SLC26A9: variants seen among roughly 807,000 people sequenced by gnomAD.
The protein encoded by SLC26A9 is anion transporter/exchanger protein 9.
In SLC26A9, 46 loss-of-function variants were observed where a neutral mutation model predicts 87.1. The ratio of observed to expected loss-of-function variants is 0.53; its 90% CI spans 0.42 to 0.67. SLC26A9 has a LOEUF of 0.67. SLC26A9 is among the 30% of genes least tolerant of loss of function. SLC26A9 has a pLI of 0.00. For synonymous variants in SLC26A9, 437 were observed against 409.1 expected, an observed-to-expected ratio of 1.07 and a Z score of -0.82; for missense variants, 927 against 1,018.3, an observed-to-expected ratio of 0.91 and a Z score of 1.22.
intron 1 of SLC26A9, among the ~76,000 whole-genome samples, chr1:205,939,064 C>T (rs1308055495): frequency 1.3e-5 from 2 of 152,188 alleles, no homozygotes; most frequent in Non-Finnish European, 2.9e-5. Flanking sequence ...TGCCATCTGC[C>T]CATCCCAGGA....
intron 5 of SLC26A9, 143 bp from the exon 6 acceptor site, chr1:205,930,199 C>T: frequency 1.2e-6 from 1 of 830,088 alleles, no homozygotes; most frequent in Non-Finnish European, 1.8e-6. Flanking sequence ...CATCTGTGAC[C>T]TTCACCTGCC....
rs771296518 is a variant in SLC26A9, at chr1:205,929,323, T to C, written c.751A>G (p.Thr251Ala). 2.4e-5 allele frequency: 38 copies of C among 1,614,084 alleles called. No individual in the cohort carries two copies. In the East Asian group the frequency reaches 7.6e-4, roughly 32 times the overall value. ...FIDICKNLPH[T>A]NIASLIFALI... ...GCGAAGATGAGCGAGGCGATGTTGG[T>C]GTGGGGGAGGTTTTTGCAAATGTCA... The change falls in exon 7 of 21, where the codon ACC becomes GCC. Residue 251 changes from threonine (T) to alanine (A), a missense_variant. Transcript: ENST00000367135.
At position 205,927,120 on chromosome 1, in the gene SLC26A9, C is replaced by G. The variant is rs1023039924; in HGVS notation, c.1293+91G>C. The G allele has an allele frequency of 1.6e-5, 21 of 1,323,158 alleles. No homozygotes were observed. In the African/African-American group the frequency reaches 3.0e-4, roughly 19 times the overall value. The allele number at this position is 1,323,158 out of a possible 1,614,324, so 82.0% of individuals were successfully genotyped here. A position where few individuals can be genotyped will look rare whatever the true frequency, so the allele number is the denominator to read the frequency against. On this transcript the variant is annotated intron_variant, in intron 11 of 20. Transcript: ENST00000367135. ...TTGAGACTAAGTGTGACAACAGTGGCACTTTGTGGTCCGTAAAGTGCCACA... is the reference window on the plus strand; with the variant it reads ...TTGAGACTAAGTGTGACAACAGTGGGACTTTGTGGTCCGTAAAGTGCCACA...
At position 205,915,149 on chromosome 1, in the gene SLC26A9, A is replaced by G. The variant is rs745629694; in HGVS notation, c.*208T>C. 2 of 1,613,398 alleles carry G rather than the reference A, an allele frequency of 1.2e-6. No homozygotes were observed. The highest frequency in any genetic ancestry group is 1.1e-5 in the South Asian group (1 of 91,008). ...GGGCTCACCAGACTCTCACTCCTGT[A>G]AGGGTAGCACCCCCCTGCTGCTGAG... is the stretch of plus-strand genomic sequence containing the variant. On this transcript the variant is annotated 3_prime_UTR_variant, in exon 21 of 21. Transcript: ENST00000367135.
rs554178968 is a variant in SLC26A9 at position 205,937,094 on chromosome 1, G to C, written c.-18-1256C>G. On this transcript the variant is annotated intron_variant, in intron 1 of 20. Coordinates refer to ENST00000367135, the MANE Select transcript of SLC26A9 (RefSeq NM_052934.4). The stretch of plus-strand genomic sequence containing the variant: ...GGTTGTGTAAAATGTAAAGTGTGAT[G>C]CAAATGTGAGTTTCTATTATGAATA... 4.6e-5 allele frequency among the ~76,000 whole-genome samples: 7 copies of C among 152,278 alleles called. No homozygotes were observed. The South Asian group carries it at 1.5e-3, about 32-fold the overall frequency.
chr1:205,942,099 A>C (rs16856524), intron 1 of SLC26A9, among the ~76,000 whole-genome samples: 4,105 of 152,300 alleles, frequency 0.027, 191 homozygotes, highest in African/African-American at 0.094. Context: ...CTGGCTGTTT[A>C]GTACGGTTTA....
intron 12 of SLC26A9, among the ~76,000 whole-genome samples, chr1:205,926,181 G>T (rs1468237615): frequency 6.6e-6 from 1 of 152,066 alleles, no homozygotes; most frequent in Admixed American, 6.5e-5. Flanking sequence ...TCATAGCTAA[G>T]CTTTATTGAG....
intron 6 of SLC26A9, 115 bp downstream of exon 6, chr1:205,929,777 C>A: frequency 7.6e-7 from 1 of 1,319,488 alleles, no homozygotes; most frequent in Non-Finnish European, 1.0e-6. Context: ...CCTCTCTGAA[C>A]AACAGCTAAG....
Position 205,914,896 on chromosome 1 carries a change from G to A in SLC26A9, c.*461C>T. Reference sequence around the variant, plus strand: ...GAGTCCTAACCAAGTTTATCCCTATGTCCGTGACAGCCTGACACCATCTGA... The same window carrying A: ...GAGTCCTAACCAAGTTTATCCCTATATCCGTGACAGCCTGACACCATCTGA... On this transcript the variant is annotated 3_prime_UTR_variant, in exon 21 of 21. Coordinates refer to ENST00000367135, the MANE Select transcript of SLC26A9 (RefSeq NM_052934.4). 2 of 1,610,160 alleles carry A rather than the reference G, an allele frequency of 1.2e-6. No homozygotes were observed. The highest frequency in any genetic ancestry group is 1.7e-6 in the Non-Finnish European group (2 of 1,177,798).
chr1:205,924,709 G>A (rs1197763802), intron 12 of SLC26A9: 3 of 510,240 alleles, frequency 5.9e-6, no homozygotes, highest in East Asian at 3.4e-5. Flanking sequence ...GATCTTGTCT[G>A]TGTTTTTAGT....
At chr1:205,930,878 G>A (rs1399994797) in intron 5 of SLC26A9, among the ~76,000 whole-genome samples, 1 of 152,166 alleles carries the variant, frequency 6.6e-6, no homozygotes, top group African/African-American at 2.4e-5. Flanking sequence ...TCTGCTCTGT[G>A]TCCCTACAGT....
intron 6 of SLC26A9, 62 bp from the exon 7 acceptor site, chr1:205,929,418 T>C: frequency 6.3e-7 from 1 of 1,581,346 alleles, no homozygotes; most frequent in Non-Finnish European, 8.6e-7. Context: ...ACCCCACCTT[T>C]GGGTGTCTGA....
chr1:205,928,408 C>T, intron 8 of SLC26A9: 1 of 379,162 alleles, frequency 2.6e-6, no homozygotes. Flanking sequence ...TCCAACCCTG[C>T]AGGACAAGCG....
Position 205,920,764 on chromosome 1 carries a change from C to T in SLC26A9, c.2056-534G>A, listed in dbSNP as rs894263803. On this transcript the variant is annotated intron_variant, in intron 17 of 20. Coordinates refer to ENST00000367135, the MANE Select transcript of SLC26A9 (RefSeq NM_052934.4). ...CCACCTGCCTTGGCCTCCCAAAGTG[C>T]TGGGATTACAGGAGTGAGCCACCAC... is the stretch of plus-strand genomic sequence containing the variant. Among the ~76,000 whole-genome samples, 5 of 152,216 alleles carry T rather than the reference C, an allele frequency of 3.3e-5. No individual in the cohort carries two copies. The South Asian group carries it at 1.0e-3, about 32-fold the overall frequency.
intron 2 of SLC26A9, among the ~76,000 whole-genome samples, chr1:205,934,948 A>G (rs925233852): frequency 2.0e-5 from 3 of 152,234 alleles, no homozygotes; most frequent in Non-Finnish European, 4.4e-5. Flanking sequence ...AGTGACCTCA[A>G]TCCAGGTAAC....
chr1:205,917,229 A>T (rs199813804), intron 20 of SLC26A9, 54 bp downstream of exon 20: 4 of 1,593,230 alleles, frequency 2.5e-6, no homozygotes, highest in Non-Finnish European at 3.4e-6. Flanking sequence ...CAGCGACCCC[A>T]TCCTTCCCCT....
In SLC26A9 at chr1:205,915,547, T is replaced by TGTGC. The variant is rs1188529665; in HGVS notation, c.2329-144_2329-143insGCAC. The TGTGC allele has an allele frequency of 1.4e-5, 13 of 923,284 alleles. No homozygotes were observed. In the African/African-American group the frequency reaches 1.6e-4, roughly 11 times the overall value. 57.2% of individuals were successfully genotyped at this position (923,284 alleles called of 1,614,324 possible). ...GTGTGTGTGTGTGTGTGTGTGTGTG[T>TGTGC]GCGAGAGTGTGTGTGAACAGGGGAG... On this transcript the variant is annotated intron_variant, in intron 20 of 20. Transcript: ENST00000367135.
At position 205,935,814 on chromosome 1, in the gene SLC26A9, G is replaced by C. The variant is rs150074003; in HGVS notation, c.7C>G (p.Gln3Glu). 67 of 1,613,264 alleles carry C rather than the reference G, an allele frequency of 4.2e-5. No homozygotes were observed. The highest frequency in any genetic ancestry group is 5.6e-5 in the Non-Finnish European group (66 of 1,179,566). Residue 3 changes from glutamine (Q) to glutamate (E), a missense_variant, in exon 2 of 21, where the codon CAG becomes GAG. Transcript: ENST00000367135. The part of the protein sequence containing the change: MS[Q>E]PRPRYVVDRA... ...TCTACCACGTAGCGGGGCCTGGGCT[G>C]GCTCATATCTGGGGCATTTACAAGC...
chr1:205,914,934 T>C lies in SLC26A9; in HGVS notation c.*423A>G, dbSNP rs9438438. On this transcript the variant is annotated 3_prime_UTR_variant, in exon 21 of 21. Transcript: ENST00000367135. ...TGACACCATCTGACACCGAGCCGTG[T>C]GGGCTCTGGGACACTTTTTGAAGCT... The C allele has an allele frequency of 0.084, 135,796 of 1,614,076 alleles. 6,264 individuals are homozygous for C. The highest frequency in any genetic ancestry group is 0.16 in the African/African-American group (12,250 of 74,980).
Sources: allele counts gnomAD v4.1 joint callset (sites outside exome capture counted in the v4.1 genomes callset), GRCh38; gene constraint gnomAD v4.1.1; transcripts MANE v1.5; gene names NCBI Gene and HGNC (gene_info 2026-07-23, HGNC 2026-07-21).